TENM3: variants seen among roughly 807,000 people sequenced by gnomAD.
TENM3 encodes teneurin transmembrane protein 3.
TENM3 carries 63 observed loss-of-function variants against 255.1 expected under a neutral mutation model. The observed-to-expected ratio is 0.25, with a 90% CI of 0.20 to 0.30. The LOEUF (loss-of-function observed/expected upper bound fraction) is 0.30. TENM3 is among the 10% of genes least tolerant of loss of function. TENM3 has a pLI of 1.00. For missense variants in TENM3, 2,929 were observed against 3,461.1 expected (o/e 0.85, Z 3.86); for synonymous variants, 1,306 against 1,322.3 (o/e 0.99, Z 0.27).
the TENM3 span, among the ~76,000 whole-genome samples, chr4:181,754,345 T>G: frequency 6.6e-6 from 1 of 151,122 alleles, no homozygotes; most frequent in Non-Finnish European, 1.5e-5. Flanking sequence ...ATCCTTGCTC[T>G]TAAATTGCTT....
At chr4:182,144,409 C>T (rs969293430), upstream of TENM3, 351 of 152,486 alleles carry the variant, frequency 2.3e-3, 5 homozygotes, top group Non-Finnish European at 2.2e-3. Flanking sequence ...CCCGAAAACT[C>T]CGGCCCGGCC....
At chr4:181,573,900 A>C in the TENM3 span, among the ~76,000 whole-genome samples, 1 of 152,132 alleles carries the variant, frequency 6.6e-6, no homozygotes, top group African/African-American at 2.4e-5. Flanking sequence ...AAATATCTCA[A>C]AGGACAAATT....
At chr4:181,682,731 C>G in the TENM3 span, among the ~76,000 whole-genome samples, 17 of 152,116 alleles carry the variant, frequency 1.1e-4, no homozygotes, top group Admixed American at 7.2e-4. Context: ...AAAAATAGGG[C>G]AATTCATTTG....
chr4:182,146,982 C>T (rs1272814263), intron 1 of TENM3, among the ~76,000 whole-genome samples: 1 of 151,990 alleles, frequency 6.6e-6, no homozygotes, highest in Non-Finnish European at 1.5e-5. Context: ...GGGAACCTGC[C>T]TTATTAGGGT....
chr4:181,567,355 G>C, the TENM3 span, among the ~76,000 whole-genome samples: 1 of 152,086 alleles, frequency 6.6e-6, no homozygotes, highest in African/African-American at 2.4e-5. Context: ...CGTGTCTCTT[G>C]CAAATGTAGA....
At chr4:181,626,369 G>A in the TENM3 span, among the ~76,000 whole-genome samples, 2 of 152,144 alleles carry the variant, frequency 1.3e-5, no homozygotes, top group Non-Finnish European at 2.9e-5. Flanking sequence ...GCTATTAAGG[G>A]ATACCTGAGA....
At chr4:181,604,710 G>A in the TENM3 span, among the ~76,000 whole-genome samples, 1 of 152,122 alleles carries the variant, frequency 6.6e-6, no homozygotes, top group Non-Finnish European at 1.5e-5. Flanking sequence ...AATGCTTTAT[G>A]TGTGGCATTT....
intron 3 of TENM3, among the ~76,000 whole-genome samples, chr4:182,355,497 C>T (rs1160142420): frequency 6.6e-6 from 1 of 152,128 alleles, no homozygotes; most frequent in Non-Finnish European, 1.5e-5. Flanking sequence ...GGGACATGGC[C>T]CTGTTCACTG....
At chr4:182,064,353 C>T in the TENM3 span, among the ~76,000 whole-genome samples, 1 of 151,922 alleles carries the variant, frequency 6.6e-6, no homozygotes, top group Non-Finnish European at 1.5e-5. Context: ...CTGAGAAGGG[C>T]GGATCACGAG....
the TENM3 span, among the ~76,000 whole-genome samples, chr4:181,973,846 G>T: frequency 5.9e-5 from 9 of 152,288 alleles, no homozygotes; most frequent in South Asian, 8.3e-4. Context: ...TTAAGCAAAG[G>T]CTTGAAGGAG....
At chr4:182,287,054 CCG>C (rs1760778365) in intron 1 of TENM3, among the ~76,000 whole-genome samples, 1 of 152,058 alleles carries the variant, frequency 6.6e-6, no homozygotes, top group African/African-American at 2.4e-5. Flanking sequence ...TAGCGAGACC[CCG>C]TCTCTACAAA....
chr4:182,228,899 C>A (rs1012594534), intron 1 of TENM3, among the ~76,000 whole-genome samples: 6 of 152,252 alleles, frequency 3.9e-5, no homozygotes, highest in Admixed American at 1.3e-4. Flanking sequence ...GTACTGACAT[C>A]TTTTCCTTTG....
intron 2 of TENM3, among the ~76,000 whole-genome samples, chr4:182,338,620 A>G (rs796408046): frequency 2.0e-5 from 3 of 152,340 alleles, no homozygotes; most frequent in African/African-American, 7.2e-5. Context: ...AAAGTTGTAC[A>G]TATAATTTTA....
intron 1 of TENM3, among the ~76,000 whole-genome samples, chr4:182,258,796 T>C (rs780826657): frequency 7.2e-5 from 11 of 152,128 alleles, no homozygotes; most frequent in African/African-American, 1.4e-4. Context: ...AGTAGTAGCC[T>C]GACAAAGAAA....
At position 182,358,076 on chromosome 4, in the gene TENM3, T is replaced by C. The variant is rs1293334632; in HGVS notation, c.511+11147T>C. Among the ~76,000 whole-genome samples the C allele has an allele frequency of 2.2e-4, 33 of 151,758 alleles. 1 individual carries two copies. Among genetic ancestry groups the C allele is most frequent in the Admixed American group, 2.2e-3 (33 of 15,228 alleles). ...GGCTCTGTTCTGTTCCATTGATCTA[T>C]ATCTCTGTTTTGGTACCAGTACCAT... is the stretch of plus-strand genomic sequence containing the variant. On this transcript the variant is annotated intron_variant, in intron 3 of 27. Coordinates refer to ENST00000511685, the MANE Select transcript of TENM3 (RefSeq NM_001080477.4).
chr4:181,924,044 C>A, the TENM3 span, among the ~76,000 whole-genome samples: 2 of 152,138 alleles, frequency 1.3e-5, no homozygotes, highest in African/African-American at 4.8e-5. Context: ...GAATGCAAAG[C>A]ACTGACTGCT....
chr4:182,145,104 G>A (rs905027811), intron 1 of TENM3: 1 of 152,262 alleles, frequency 6.6e-6, no homozygotes, highest in Non-Finnish European at 1.5e-5. Flanking sequence ...AGCCCGCCAG[G>A]TCCTCTTCGG....
At chr4:182,790,999 A>G (rs1361616118) in intron 25 of TENM3, among the ~76,000 whole-genome samples, 2 of 152,164 alleles carry the variant, frequency 1.3e-5, no homozygotes, top group African/African-American at 4.8e-5. Flanking sequence ...CACCCAGACT[A>G]TTTCGATGTT....
intron 1 of TENM3, among the ~76,000 whole-genome samples, chr4:182,316,037 A>G (rs930701322): frequency 3.9e-5 from 6 of 152,110 alleles, no homozygotes; most frequent in African/African-American, 2.4e-5. Context: ...TCTTACACCA[A>G]TATCACTTCT....
Sources: gnomAD v4.1 joint callset for allele counts (sites outside exome capture counted in the v4.1 genomes callset) on GRCh38, gnomAD v4.1.1 for gene constraint, MANE v1.5 for transcripts, NCBI Gene and HGNC (gene_info 2026-07-23, HGNC 2026-07-21) for gene names.